HIVEP2: variants seen among roughly 807,000 people sequenced by gnomAD.
HIVEP2 encodes HIVEP zinc finger 2.
HIVEP2 carries 14 observed loss-of-function variants against 180.7 expected under a neutral mutation model. The observed-to-expected ratio is 0.08, with a 90% CI of 0.05 to 0.12. The LOEUF is 0.12. Ranked by LOEUF, HIVEP2 falls within the 10% of genes least tolerant of loss-of-function variation. HIVEP2 has a pLI of 1.00. For synonymous variants in HIVEP2, 1,184 were observed against 1,136.4 expected, an observed-to-expected ratio of 1.04 and a Z score of -0.84; for missense variants, 2,579 against 3,008.5, an observed-to-expected ratio of 0.86 and a Z score of 3.34.
intron 2 of HIVEP2, among the ~76,000 whole-genome samples, chr6:142,832,794 G>T (rs1379801491): frequency 6.6e-6 from 1 of 152,196 alleles, no homozygotes; most frequent in African/African-American, 2.4e-5. Context: ...CTCAGATCAG[G>T]GAAGTGATTG....
In HIVEP2 at chr6:142,768,445, T is replaced by G. The variant is rs755301449; in HGVS notation, c.5279A>C (p.His1760Pro). The part of the protein sequence containing the change: ...ILKERGKGDI[H>P]GDKDIGSKQT... ...TTTGGATCCAATATCTTTATCTCCA[T>G]GAATATCTCCTTTCCCTCTTTCCTT... is the stretch of plus-strand genomic sequence containing the variant. The change falls in exon 6 of 10, where the codon CAT (histidine) becomes CCT (proline). Residue 1760 changes from histidine (H) to proline (P), a missense_variant. His to Pro is a moderately conservative substitution (Grantham distance 77). Coordinates refer to ENST00000367603, the MANE Select transcript of HIVEP2 (RefSeq NM_006734.4). The G allele has an allele frequency of 6.2e-7, 1 of 1,613,298 alleles. No homozygotes were observed.
At chr6:142,864,730 C>T (rs563625352) in intron 1 of HIVEP2, among the ~76,000 whole-genome samples, 4 of 152,114 alleles carry the variant, frequency 2.6e-5, no homozygotes, top group African/African-American at 9.7e-5. Context: ...TACTCATCCT[C>T]CAAAATAATA....
At chr6:142,811,760 C>T (rs1776705326) in intron 2 of HIVEP2, among the ~76,000 whole-genome samples, 1 of 152,164 alleles carries the variant, frequency 6.6e-6, no homozygotes, top group African/African-American at 2.4e-5. Flanking sequence ...CTTTATGTAG[C>T]AATTATCCTA....
chr6:142,864,387 C>G (rs1404080345), intron 1 of HIVEP2, among the ~76,000 whole-genome samples: 1 of 152,184 alleles, frequency 6.6e-6, no homozygotes, highest in Non-Finnish European at 1.5e-5. Context: ...CACAGCTTAT[C>G]ACTCAGAATG....
intron 9 of HIVEP2, among the ~76,000 whole-genome samples, chr6:142,755,754 C>T (rs1392517522): frequency 2.6e-5 from 4 of 152,162 alleles, no homozygotes; most frequent in African/African-American, 9.7e-5. Context: ...CTTATTAGTG[C>T]TACTAATGAA....
Position 142,772,824 on chromosome 6 carries a change from C to T in HIVEP2, c.1915G>A (p.Asp639Asn). ...SPGDRVGYDYDVCRKPYKKWE... is the reference protein window; with the variant it reads ...SPGDRVGYDYNVCRKPYKKWE... ...TTCTTATAGGGTTTCCGACAGACAT[C>T]ATAGTCATACCCAACCCTGTCCCCA... The change falls in exon 5 of 10, where the codon GAT (aspartate) becomes AAT (asparagine). Residue 639 changes from aspartate to asparagine, a missense_variant. Physicochemically the swap from Asp to Asn is conservative, Grantham distance 23. This residue lies in a region of HIVEP2 where 524 missense variants were observed against 563.6 expected (regional missense o/e 0.93). Coordinates refer to ENST00000367603, the MANE Select transcript of HIVEP2 (RefSeq NM_006734.4). This position sits in a 1 kb window ranked among gnomAD's most constrained non-coding sequence, Gnocchi z 4.9. 6.2e-7 allele frequency: 1 copy of T among 1,614,200 alleles called. No homozygotes were observed. The highest frequency in any genetic ancestry group is 8.5e-7 in the Non-Finnish European group (1 of 1,180,030).
chr6:142,942,328 A>G lies in HIVEP2; in HGVS notation c.-641+2771T>C, dbSNP rs558861762. 2.5e-4 allele frequency among the ~76,000 whole-genome samples: 38 copies of G among 152,142 alleles called. 1 individual carries two copies. In the South Asian group the frequency reaches 5.6e-3, roughly 22 times the overall value. On this transcript the variant is annotated intron_variant, in intron 1 of 9. Coordinates refer to ENST00000367603, the MANE Select transcript of HIVEP2 (RefSeq NM_006734.4). ...AAAAAATGGCAAATTCTGGAATAAG[A>G]TTTTTCATTTTAAATTAAATCAGCA... is the stretch of plus-strand genomic sequence containing the variant.
chr6:142,933,874 G>T (rs1444596725), intron 1 of HIVEP2, among the ~76,000 whole-genome samples: 11 of 152,134 alleles, frequency 7.2e-5, no homozygotes, highest in Admixed American at 2.0e-4. Flanking sequence ...TAGTACTAAG[G>T]TCATTTGAAA....
At chr6:142,859,834 C>CAAAAAAAAA (rs56853043) in intron 1 of HIVEP2, among the ~76,000 whole-genome samples, 1 of 73,612 alleles carries the variant, frequency 1.4e-5, no homozygotes, top group African/African-American at 5.1e-5. Context: ...AACTCCGTCT[C>CAAAAAAAAA]AAAAAAAAAA....
chr6:142,838,025 T>C (rs939294766), intron 1 of HIVEP2, among the ~76,000 whole-genome samples: 2 of 152,194 alleles, frequency 1.3e-5, no homozygotes, highest in Admixed American at 6.5e-5. Context: ...GGCCATGCAC[T>C]GCCACTCCCC....
intron 1 of HIVEP2, among the ~76,000 whole-genome samples, chr6:142,923,607 A>C (rs567593205): frequency 6.6e-6 from 1 of 152,276 alleles, no homozygotes; most frequent in South Asian, 2.1e-4. Context: ...TTTTTTATTC[A>C]GTTGTACCTT....
chr6:142,820,297 TTCTC>T lies in HIVEP2; in HGVS notation c.-528+16634_-528+16637del, dbSNP rs3057563. Among the ~76,000 whole-genome samples the T allele has an allele frequency of 1.4e-3, 208 of 148,394 alleles. 1 individual carries two copies. Among genetic ancestry groups the T allele is most frequent in the African/African-American group, 4.5e-3 (178 of 39,780 alleles). On this transcript the variant is annotated intron_variant, in intron 2 of 9. Transcript: ENST00000367603. The stretch of plus-strand genomic sequence containing the variant: ...ACTACTTTACCAGGCTCGCTCTCTC[TTCTC>T]TCTCTCTCTCTCTCTCTCTCTGTAT...
chr6:142,869,865 T>C (rs1562272598), intron 1 of HIVEP2, among the ~76,000 whole-genome samples: 1 of 152,152 alleles, frequency 6.6e-6, no homozygotes, highest in Non-Finnish European at 1.5e-5. Flanking sequence ...ATTAATCTTG[T>C]AAAACACACA....
intron 1 of HIVEP2, among the ~76,000 whole-genome samples, chr6:142,928,882 G>C (rs1777878205): frequency 6.6e-6 from 1 of 152,140 alleles, no homozygotes; most frequent in Admixed American, 6.5e-5. Context: ...CTGAGTGTGA[G>C]TGCTGAGAGG....
At chr6:142,878,175 ACT>A (rs896929787) in intron 1 of HIVEP2, among the ~76,000 whole-genome samples, 7 of 152,226 alleles carry the variant, frequency 4.6e-5, no homozygotes, top group East Asian at 1.9e-4. Flanking sequence ...TCTCCAAAAA[ACT>A]CTGTCAAAAT....
chr6:142,753,888 T>C lies in HIVEP2; in HGVS notation c.6560A>G (p.Tyr2187Cys), dbSNP rs771831448. Residue 2187 changes from tyrosine (Y) to cysteine (C), a missense_variant, in exon 10 of 10, where the codon TAT (tyrosine) becomes TGT (cysteine). Physicochemically the swap from Tyr to Cys is radical, Grantham distance 194. Transcript: ENST00000367603. ...GLPQVPYFSLYGDQEGAYEHP... is the reference protein window; with the variant it reads ...GLPQVPYFSLCGDQEGAYEHP... ...TTCATAAGCACCTTCTTGGTCTCCA[T>C]AGAGACTGAAGTAAGGAACCTGAGG... is the stretch of plus-strand genomic sequence containing the variant. 11 of 1,612,096 alleles carry C rather than the reference T, an allele frequency of 6.8e-6. No individual in the cohort carries two copies. Among genetic ancestry groups the C allele is most frequent in the South Asian group, 5.5e-5 (5 of 91,016 alleles).
intron 2 of HIVEP2, among the ~76,000 whole-genome samples, chr6:142,817,932 G>C (rs1776886757): frequency 6.6e-6 from 1 of 151,882 alleles, no homozygotes; most frequent in South Asian, 2.1e-4. Flanking sequence ...CTTGAACCTG[G>C]GAGGCGGAGG....
At chr6:142,895,521 G>A (rs2128422855) in intron 1 of HIVEP2, among the ~76,000 whole-genome samples, 1 of 152,232 alleles carries the variant, frequency 6.6e-6, no homozygotes, top group South Asian at 2.1e-4. Flanking sequence ...AAGTTGCCAA[G>A]GTGAATTCTC....
chr6:142,921,065 A>G (rs750087994), intron 1 of HIVEP2, among the ~76,000 whole-genome samples: 8 of 152,312 alleles, frequency 5.3e-5, no homozygotes, highest in Non-Finnish European at 1.0e-4. Context: ...ACAGAGCTAC[A>G]GTAAGGAAGC....
Sources: allele counts gnomAD v4.1 joint callset (sites outside exome capture counted in the v4.1 genomes callset), GRCh38; gene constraint gnomAD v4.1.1; regional missense constraint gnomAD v4.1.1; non-coding constraint Gnocchi (gnomAD v3.1); transcripts MANE v1.5; gene names NCBI Gene and HGNC (gene_info 2026-07-23, HGNC 2026-07-21).